Variants in CNTN3 observed in about 807,000 individuals in gnomAD.
CNTN3 encodes contactin-3.
CNTN3 carries 60 observed loss-of-function variants against 119.1 expected under a neutral mutation model. The ratio of observed to expected loss-of-function variants is 0.50; its 90% CI spans 0.41 to 0.62. The LOEUF is 0.62. Ranked by LOEUF, CNTN3 falls within the 20% of genes least tolerant of loss-of-function variation. The probability of loss-of-function intolerance (pLI) is 0.00; values close to 1 mark genes in which losing one functional copy is unlikely to be tolerated. For synonymous variants in CNTN3, 450 were observed against 438.7 expected (o/e 1.03, Z -0.32); for missense variants, 1,101 against 1,242.4 (o/e 0.89, Z 1.71).
At chr3:74,506,752 A>ACAG (rs1173102140) in intron 2 of CNTN3, among the ~76,000 whole-genome samples, 2 of 144,270 alleles carry the variant, frequency 1.4e-5, no homozygotes, top group Non-Finnish European at 3.1e-5. Context: ...AAAAAAAAAA[A>ACAG]CAACACTTAC....
intron 4 of CNTN3, among the ~76,000 whole-genome samples, chr3:74,467,339 C>A (rs7626614): frequency 6.6e-6 from 1 of 151,914 alleles, no homozygotes; most frequent in Non-Finnish European, 1.5e-5. Flanking sequence ...GAAGTCGTAA[C>A]TCCAAATCTA....
chr3:74,468,466 C>T (rs1182289315), intron 4 of CNTN3, among the ~76,000 whole-genome samples: 1 of 152,122 alleles, frequency 6.6e-6, no homozygotes, highest in African/African-American at 2.4e-5. Context: ...ATATTATCAT[C>T]GGTACCAAAG....
At chr3:74,328,486 T>A (rs934198797) in intron 13 of CNTN3, among the ~76,000 whole-genome samples, 5 of 152,230 alleles carry the variant, frequency 3.3e-5, no homozygotes, top group Admixed American at 3.3e-4. Flanking sequence ...TTGGTTTGTT[T>A]TAACTCTGCT....
intron 13 of CNTN3, among the ~76,000 whole-genome samples, chr3:74,306,500 C>A (rs760074570): frequency 1.3e-5 from 2 of 152,064 alleles, no homozygotes; most frequent in Non-Finnish European, 2.9e-5. Flanking sequence ...TTTTCCCCAC[C>A]TCCTCAAGCA....
At chr3:74,401,927 G>A (rs968910618) in intron 5 of CNTN3, among the ~76,000 whole-genome samples, 2 of 152,130 alleles carry the variant, frequency 1.3e-5, no homozygotes, top group Non-Finnish European at 2.9e-5. Context: ...CTTTGGCTGG[G>A]AAACACTGAA....
chr3:74,366,380 A>G (rs1299158148), intron 8 of CNTN3, among the ~76,000 whole-genome samples: 1 of 152,090 alleles, frequency 6.6e-6, no homozygotes, highest in East Asian at 1.9e-4. Context: ...ATCATTTTCA[A>G]CTTATGCTTT....
intron 4 of CNTN3, among the ~76,000 whole-genome samples, chr3:74,485,348 T>C (rs748275034): frequency 6.6e-6 from 1 of 152,048 alleles, no homozygotes; most frequent in Non-Finnish European, 1.5e-5. Flanking sequence ...AGTTGTATAA[T>C]ATAAACATCA....
rs181418122 is a variant in CNTN3, at chr3:74,292,327, G to A, written c.2517+2794C>T. ...CGCCTGTAATCCCAGCACTTTGGGA[G>A]GCCAAGGCAGGCAGATCACCTGAGG... On this transcript the variant is annotated intron_variant, in intron 19 of 22. Coordinates refer to ENST00000263665, the MANE Select transcript of CNTN3 (RefSeq NM_020872.3). 4.7e-3 allele frequency among the ~76,000 whole-genome samples: 721 copies of A among 152,320 alleles called. 5 individuals carry two copies. Among genetic ancestry groups the A allele is most frequent in the African/African-American group, 0.015 (622 of 41,560 alleles).
At chr3:74,285,187 G>A (rs1702085897) in intron 20 of CNTN3, 118 bp downstream of exon 20, 1 of 1,129,582 alleles carries the variant, frequency 8.9e-7, no homozygotes, top group South Asian at 1.6e-5. Flanking sequence ...TTGGAGTTAG[G>A]TTTATATAAT....
Position 74,298,082 on chromosome 3 carries a change from G to A in CNTN3, c.2276C>T (p.Pro759Leu), listed in dbSNP as rs1314802770. 2 of 1,613,806 alleles carry A rather than the reference G, an allele frequency of 1.2e-6. No individual in the cohort carries two copies. Among genetic ancestry groups the A allele is most frequent in the South Asian group, 2.2e-5 (2 of 91,074 alleles). The change falls in exon 18 of 23, where the codon CCA becomes CTA. Residue 759 changes from proline to leucine, a missense_variant. Coordinates refer to ENST00000263665, the MANE Select transcript of CNTN3 (RefSeq NM_020872.3). ...GCTTTCATTCCTAAAGACATATCTT[G>A]GGGTGTCAGGGGATGTCACCACTGT... ...IQTVVTSPDT[P>L]RYVFRNESIV... is the part of the protein sequence containing the mutation.
chr3:74,295,702 T>C lies in CNTN3; in HGVS notation c.2402-466A>G, dbSNP rs145147747. Among the ~76,000 whole-genome samples the C allele has an allele frequency of 1.2e-4, 18 of 152,244 alleles. No individual in the cohort carries two copies. The East Asian group carries it at 2.7e-3, about 23-fold the overall frequency. Reference sequence around the variant, plus strand: ...GTCTAGAGAGGCCTACAGAGACAACTGAAATGTGGTGGATGGCATGCTCTT... The same window carrying C: ...GTCTAGAGAGGCCTACAGAGACAACCGAAATGTGGTGGATGGCATGCTCTT... On this transcript the variant is annotated intron_variant, in intron 18 of 22. Coordinates refer to ENST00000263665, the MANE Select transcript of CNTN3 (RefSeq NM_020872.3).
At chr3:74,512,760 A>C (rs2107107216) in intron 2 of CNTN3, among the ~76,000 whole-genome samples, 1 of 151,346 alleles carries the variant, frequency 6.6e-6, no homozygotes, top group Non-Finnish European at 1.5e-5. Flanking sequence ...ATACTGCAGT[A>C]AAATTATTCC....
At chr3:74,437,070 G>A (rs1701878695) in intron 4 of CNTN3, among the ~76,000 whole-genome samples, 1 of 152,118 alleles carries the variant, frequency 6.6e-6, no homozygotes, top group Admixed American at 6.5e-5. Context: ...ACAGAGTACT[G>A]CCTCTGACTA....
At chr3:74,440,660 TA>T (rs1230242438) in intron 4 of CNTN3, among the ~76,000 whole-genome samples, 1 of 152,112 alleles carries the variant, frequency 6.6e-6, no homozygotes. Flanking sequence ...TGTTGTTATT[TA>T]TTTTTTTTTA....
At chr3:74,512,661 G>A (rs1205192281) in intron 2 of CNTN3, among the ~76,000 whole-genome samples, 2 of 112,468 alleles carry the variant, frequency 1.8e-5, no homozygotes, top group Non-Finnish European at 3.3e-5. Context: ...ATAGCACTGA[G>A]TATTCTCATT....
chr3:74,566,518 T>C (rs1704228471), intron 1 of CNTN3, among the ~76,000 whole-genome samples: 1 of 152,192 alleles, frequency 6.6e-6, no homozygotes. Context: ...TAGTGCTTGC[T>C]CAGGATTCTG....
intron 1 of CNTN3, among the ~76,000 whole-genome samples, chr3:74,548,750 C>A (rs1703948705): frequency 6.6e-6 from 1 of 152,112 alleles, no homozygotes; most frequent in Admixed American, 6.5e-5. Context: ...TGCTGTTTCA[C>A]TGAGAAAAAG....
At chr3:74,266,241 T>G (rs1047770835) in intron 22 of CNTN3, among the ~76,000 whole-genome samples, 2 of 152,078 alleles carry the variant, frequency 1.3e-5, no homozygotes, top group African/African-American at 4.8e-5. Flanking sequence ...AAAATCAAAT[T>G]AATGAAGTTT....
intron 5 of CNTN3, among the ~76,000 whole-genome samples, chr3:74,399,434 G>A (rs1331730626): frequency 6.6e-6 from 1 of 152,076 alleles, no homozygotes; most frequent in Non-Finnish European, 1.5e-5. Context: ...TAAGGATAAT[G>A]GCCTCCAGCT....
Sources: gnomAD v4.1 joint callset for allele counts (sites outside exome capture counted in the v4.1 genomes callset) on GRCh38, gnomAD v4.1.1 for gene constraint, MANE v1.5 for transcripts, NCBI Gene and HGNC (gene_info 2026-07-23, HGNC 2026-07-21) for gene names.